STX17: variants seen among roughly 807,000 people sequenced by gnomAD.
STX17 encodes syntaxin-17.
Under a neutral mutation model 35.9 loss-of-function variants are expected in STX17, and 29 were observed. The observed-to-expected ratio is 0.81, with a 90% CI of 0.60 to 1.10. STX17 has a LOEUF of 1.10. STX17 is among the 50% of genes least tolerant of loss of function. The probability of loss-of-function intolerance (pLI) is 0.00; values close to 1 mark genes in which losing one functional copy is unlikely to be tolerated. For missense variants in STX17, 312 were observed against 352.3 expected, an observed-to-expected ratio of 0.89 and a Z score of 0.92; for synonymous variants, 92 against 118.3, an observed-to-expected ratio of 0.78 and a Z score of 1.44.
intron 3 of STX17, chr9:99,938,076 A>T (rs1187462293): frequency 1.3e-5 from 2 of 152,278 alleles, no homozygotes; most frequent in African/African-American, 4.8e-5. Context: ...TCCAGTGTTG[A>T]GTGAGTGCTG....
At chr9:99,936,832 C>A (rs1235652179) in intron 3 of STX17, among the ~76,000 whole-genome samples, 3 of 151,918 alleles carry the variant, frequency 2.0e-5, no homozygotes, top group Non-Finnish European at 2.9e-5. Flanking sequence ...AGAAAAAAAT[C>A]TTATATATGT....
At chr9:99,942,522 T>C (rs982923515) in intron 3 of STX17, among the ~76,000 whole-genome samples, 1 of 152,168 alleles carries the variant, frequency 6.6e-6, no homozygotes, top group Non-Finnish European at 1.5e-5. Context: ...GGTCTCCTTT[T>C]GTTACCCAGG....
At chr9:99,967,481 A>C in intron 6 of STX17, 172 bp from the exon 7 acceptor site, 1 of 259,854 alleles carries the variant, frequency 3.8e-6, no homozygotes, top group Non-Finnish European at 7.3e-6. Context: ...CCTTTTTTTT[A>C]TGAAAGTTAA....
At chr9:99,940,692 A>T (rs929435354) in intron 3 of STX17, among the ~76,000 whole-genome samples, 17 of 151,178 alleles carry the variant, frequency 1.1e-4, no homozygotes, top group Admixed American at 9.9e-4. Flanking sequence ...TGTTGTCCAG[A>T]CTGGTCTCAA....
chr9:99,944,936 T>C (rs761768960), intron 3 of STX17, among the ~76,000 whole-genome samples: 3 of 152,220 alleles, frequency 2.0e-5, no homozygotes, highest in Non-Finnish European at 4.4e-5. Context: ...AAGTTTAATT[T>C]TATTATGATC....
chr9:99,944,711 T>A (rs1829441690), intron 3 of STX17, among the ~76,000 whole-genome samples: 1 of 152,122 alleles, frequency 6.6e-6, no homozygotes. Flanking sequence ...AGATGGGGTT[T>A]CGCCATGTTT....
chr9:99,962,410 A>C (rs1187733338), intron 6 of STX17, among the ~76,000 whole-genome samples: 1 of 152,232 alleles, frequency 6.6e-6, no homozygotes, highest in Non-Finnish European at 1.5e-5. Context: ...AATCCAGTGC[A>C]GTTTGTAAAA....
chr9:99,916,036 G>A (rs528021374), intron 2 of STX17: 11 of 455,072 alleles, frequency 2.4e-5, no homozygotes, highest in African/African-American at 1.2e-4. Flanking sequence ...TCAGTAACTC[G>A]TATTCTCTTT....
At chr9:99,931,432 C>T (rs1829119917) in intron 3 of STX17, among the ~76,000 whole-genome samples, 3 of 150,552 alleles carry the variant, frequency 2.0e-5, no homozygotes, top group Admixed American at 1.3e-4. Flanking sequence ...TGCTTTAGTT[C>T]TGGGTAATTT....
intron 6 of STX17, among the ~76,000 whole-genome samples, chr9:99,966,921 C>T (rs1829924197): frequency 6.6e-6 from 1 of 152,218 alleles, no homozygotes; most frequent in African/African-American, 2.4e-5. Flanking sequence ...ACCTGATGAC[C>T]TCAACATTCC....
rs376961727 is a variant in STX17 at position 99,951,065 on chromosome 9, C to G, written c.195C>G (p.Leu65=). 11 of 1,606,614 alleles carry G rather than the reference C, an allele frequency of 6.8e-6. No homozygotes were observed. Among genetic ancestry groups the G allele is most frequent in the Middle Eastern group, 1.7e-4 (1 of 6,010 alleles). The part of the protein sequence containing the change: ...HINAGRTVQQ[L]RSNIREIEKL... ...ATGATTTTTTTCTTTTATAGCAACTCCGATCCAATATCCGAGAAATTGAGA... is the reference window on the plus strand; with the variant it reads ...ATGATTTTTTTCTTTTATAGCAACTGCGATCCAATATCCGAGAAATTGAGA... Residue 65 remains leucine (L), a synonymous_variant, in exon 4 of 8, where the codon CTC becomes CTG. Coordinates refer to ENST00000259400, the MANE Select transcript of STX17 (RefSeq NM_017919.3).
At chr9:99,922,770 G>A (rs1828913541) in intron 2 of STX17, among the ~76,000 whole-genome samples, 1 of 152,146 alleles carries the variant, frequency 6.6e-6, no homozygotes, top group Non-Finnish European at 1.5e-5. Context: ...GGAGAAGTGG[G>A]ACTATCATTC....
At chr9:99,921,186 G>A (rs922708984) in intron 2 of STX17, among the ~76,000 whole-genome samples, 1 of 152,062 alleles carries the variant, frequency 6.6e-6, no homozygotes, top group Non-Finnish European at 1.5e-5. Flanking sequence ...TTGAAATGTA[G>A]TGTGCTTCTG....
In STX17 at chr9:99,951,326, G is replaced by A. The variant is rs559801102; in HGVS notation, c.415+41G>A. 26 of 1,577,486 alleles carry A rather than the reference G, an allele frequency of 1.6e-5. No individual in the cohort carries two copies. The South Asian group carries it at 2.8e-4, about 17-fold the overall frequency. On this transcript the variant is annotated intron_variant, in intron 4 of 7. Transcript: ENST00000259400. The stretch of plus-strand genomic sequence containing the variant: ...AAGTCTTATTCTCAGTCACAGTAGT[G>A]CAGTTAATTAAAGATCACCTCCTTG...
At chr9:99,950,271 T>C (rs1829567065) in intron 3 of STX17, among the ~76,000 whole-genome samples, 1 of 151,846 alleles carries the variant, frequency 6.6e-6, no homozygotes, top group African/African-American at 2.4e-5. Context: ...AAATAGGCAA[T>C]CATACCTTGA....
At chr9:99,926,158 A>G (rs1457414459) in intron 2 of STX17, among the ~76,000 whole-genome samples, 3 of 151,690 alleles carry the variant, frequency 2.0e-5, no homozygotes, top group Non-Finnish European at 4.4e-5. Flanking sequence ...TTTAAATTCT[A>G]TTAATTTAAT....
chr9:99,936,772 C>T (rs1829245502), intron 3 of STX17, among the ~76,000 whole-genome samples: 2 of 152,006 alleles, frequency 1.3e-5, no homozygotes, highest in Admixed American at 6.5e-5. Context: ...ACATCATATA[C>T]TTCATAATAT....
chr9:99,951,424 A>T, intron 4 of STX17, 139 bp downstream of exon 4: 1 of 745,792 alleles, frequency 1.3e-6, no homozygotes, highest in Non-Finnish European at 2.1e-6. Flanking sequence ...TTGGACCCTG[A>T]TCAGTGTTCC....
In STX17 at chr9:99,935,329, CAAA is replaced by C. The variant is rs35032937; in HGVS notation, c.189+6503_189+6505del. 1.6e-3 allele frequency among the ~76,000 whole-genome samples: 159 copies of C among 101,168 alleles called. 1 individual carries two copies. The highest frequency in any genetic ancestry group is 3.0e-3 in the Admixed American group (28 of 9,456). The allele number at this position is 101,168 out of a possible 152,430, so 66.4% of individuals were successfully genotyped here. On this transcript the variant is annotated intron_variant, in intron 3 of 7. Coordinates refer to ENST00000259400, the MANE Select transcript of STX17 (RefSeq NM_017919.3). ...TGGGTGACAGAGCGACACTCCATCT[CAAA>C]AAAAAAAAAAAAAAAAGAAAAAGTG...
Sources: allele counts gnomAD v4.1 joint callset (sites outside exome capture counted in the v4.1 genomes callset), GRCh38; gene constraint gnomAD v4.1.1; transcripts MANE v1.5; gene names NCBI Gene and HGNC (gene_info 2026-07-23, HGNC 2026-07-21).